The following CDC14B variants were observed in gnomAD, a reference collection of about 807,000 sequenced individuals.
The protein encoded by CDC14B is cell division cycle 14B.
CDC14B carries 22 observed loss-of-function variants against 64.2 expected under a neutral mutation model. That is an observed-to-expected ratio of 0.34 (90% confidence interval 0.24 to 0.49). The LOEUF is 0.49. CDC14B is among the 20% of genes least tolerant of loss of function. The probability of loss-of-function intolerance (pLI) is 0.99; values close to 1 mark genes in which losing one functional copy is unlikely to be tolerated. For synonymous variants in CDC14B, 191 were observed against 215.8 expected (o/e 0.89, Z 1.01); for missense variants, 498 against 629.9 (o/e 0.79, Z 2.24).
chr9:96,529,468 T>C (rs996487153), intron 9 of CDC14B, among the ~76,000 whole-genome samples: 5 of 151,706 alleles, frequency 3.3e-5, no homozygotes, highest in African/African-American at 1.2e-4. Context: ...ACAATCTTGA[T>C]TGATGTAGCT....
At chr9:96,512,900 C>T (rs1835112353) in intron 12 of CDC14B, among the ~76,000 whole-genome samples, 1 of 151,682 alleles carries the variant, frequency 6.6e-6, no homozygotes, top group African/African-American at 2.4e-5. Context: ...CCACGGTTGG[C>T]CAAAAGTACA....
intron 5 of CDC14B, among the ~76,000 whole-genome samples, chr9:96,550,767 T>A (rs1274411803): frequency 2.0e-5 from 3 of 152,048 alleles, no homozygotes; most frequent in Non-Finnish European, 2.9e-5. Flanking sequence ...AGCAGAAAAA[T>A]TTTTAGAACT....
chr9:96,556,951 T>C (rs1842580661), intron 4 of CDC14B, among the ~76,000 whole-genome samples: 1 of 152,178 alleles, frequency 6.6e-6, no homozygotes, highest in Non-Finnish European at 1.5e-5. Context: ...GCCGTATTTA[T>C]AGACAGGAAC....
At chr9:96,551,897 G>A in intron 4 of CDC14B, 25 bp from the exon 5 acceptor site, 1 of 1,588,456 alleles carries the variant, frequency 6.3e-7, no homozygotes, top group Non-Finnish European at 8.5e-7. Context: ...AGAAGAAAAA[G>A]GCAATTTATT....
intron 9 of CDC14B, among the ~76,000 whole-genome samples, chr9:96,524,740 T>A (rs2131576125): frequency 6.6e-6 from 1 of 152,314 alleles, no homozygotes; most frequent in East Asian, 1.9e-4. Flanking sequence ...TTGGCTTTCA[T>A]CTGCACCATC....
At chr9:96,604,369 AT>A (rs964432346) in intron 1 of CDC14B, among the ~76,000 whole-genome samples, 1 of 146,374 alleles carries the variant, frequency 6.8e-6, no homozygotes, top group African/African-American at 2.5e-5. Flanking sequence ...TATTATTATT[AT>A]TATTATTATT....
intron 1 of CDC14B, among the ~76,000 whole-genome samples, chr9:96,588,855 T>C: frequency 6.6e-6 from 1 of 152,222 alleles, no homozygotes; most frequent in Non-Finnish European, 1.5e-5. Flanking sequence ...CTGGGAATTT[T>C]AATGTCAATA....
At chr9:96,586,041 C>T (rs912326274) in intron 1 of CDC14B, among the ~76,000 whole-genome samples, 1 of 152,146 alleles carries the variant, frequency 6.6e-6, no homozygotes, top group African/African-American at 2.4e-5. Context: ...AACCAGACAG[C>T]AGATGCTTGG....
chr9:96,534,687 A>G (rs995983489), intron 7 of CDC14B, 145 bp from the exon 8 acceptor site: 2 of 619,316 alleles, frequency 3.2e-6, no homozygotes, highest in Admixed American at 3.0e-5. Flanking sequence ...AGGAATCTCA[A>G]TTTGCCCTGC....
chr9:96,495,399 C>CT (rs1432604360), downstream of CDC14B, among the ~76,000 whole-genome samples: 7 of 141,092 alleles, frequency 5.0e-5, no homozygotes, highest in East Asian at 1.8e-3. Context: ...CTGCCCCCCC[C>CT]CGCCCCCCGC....
intron 4 of CDC14B, among the ~76,000 whole-genome samples, chr9:96,557,936 A>T (rs2132172474): frequency 6.6e-6 from 1 of 152,362 alleles, no homozygotes; most frequent in South Asian, 2.1e-4. Context: ...GATGTTAGAA[A>T]TGGTGGTTAA....
intron 1 of CDC14B, among the ~76,000 whole-genome samples, chr9:96,597,848 C>G (rs1846187876): frequency 6.6e-6 from 1 of 151,934 alleles, no homozygotes; most frequent in East Asian, 1.9e-4. Context: ...ACAAAATTAA[C>G]AAAAGTAACA....
downstream of CDC14B, among the ~76,000 whole-genome samples, chr9:96,499,421 C>T (rs992602830): frequency 2.0e-5 from 3 of 152,316 alleles, no homozygotes; most frequent in South Asian, 2.1e-4. Flanking sequence ...AGGGGTCTGG[C>T]GTCCGGGGTT....
chr9:96,526,168 C>T lies in CDC14B; in HGVS notation c.947-2443G>A, dbSNP rs555887563. On this transcript the variant is annotated intron_variant, in intron 9 of 13. Coordinates refer to ENST00000375241, the MANE Select transcript of CDC14B (RefSeq NM_033331.4). ...AGATCATGAGGTCAGGAGATTGAGA[C>T]CATCCTGGCTAACACAGTGAAACCC... Among the ~76,000 whole-genome samples the T allele has an allele frequency of 3.9e-5, 6 of 152,162 alleles. 1 individual carries two copies. The East Asian group carries it at 9.7e-4, about 25-fold the overall frequency.
At chr9:96,531,487 C>T (rs4413902) in intron 9 of CDC14B, among the ~76,000 whole-genome samples, 9,341 of 152,090 alleles carry the variant, frequency 0.061, 912 homozygotes, top group African/African-American at 0.21. Context: ...ATGCCATTTT[C>T]ATTTCTAATT....
intron 1 of CDC14B, among the ~76,000 whole-genome samples, chr9:96,576,034 G>A (rs1844781097): frequency 6.6e-6 from 1 of 152,230 alleles, no homozygotes; most frequent in African/African-American, 2.4e-5. Context: ...CCAGCACTTT[G>A]GGAGGCTGAG....
chr9:96,619,149 G>T, intron 1 of CDC14B, 70 bp downstream of exon 1: 1 of 1,180,742 alleles, frequency 8.5e-7, no homozygotes, highest in Non-Finnish European at 1.1e-6. Flanking sequence ...CAGCCCGGTG[G>T]GAGGTGGGCC....
rs570524875 is a variant in CDC14B at position 96,509,033 on chromosome 9, C to A, written c.1460+640G>T. ...TCTACTCCTGAGCCATCTATCCCCA[C>A]TTCCACTCCTGGGCTATTTATTCTC... On this transcript the variant is annotated intron_variant, in intron 13 of 13. Coordinates refer to ENST00000375241, the MANE Select transcript of CDC14B (RefSeq NM_033331.4). Among the ~76,000 whole-genome samples, 208 of 152,350 alleles carry A rather than the reference C, an allele frequency of 1.4e-3. 1 individual carries two copies. Among genetic ancestry groups the A allele is most frequent in the Middle Eastern group, 6.8e-3 (2 of 294 alleles).
intron 13 of CDC14B, among the ~76,000 whole-genome samples, chr9:96,506,229 T>A (rs1363876444): frequency 6.6e-6 from 1 of 152,128 alleles, no homozygotes; most frequent in African/African-American, 2.4e-5. Context: ...ACTCAATACT[T>A]TAAATTTACT....
Sources: allele counts gnomAD v4.1 joint callset (sites outside exome capture counted in the v4.1 genomes callset), GRCh38; gene constraint gnomAD v4.1.1; transcripts MANE v1.5; gene names NCBI Gene and HGNC (gene_info 2026-07-23, HGNC 2026-07-21).